Variants in SEL1L3 observed in about 807,000 individuals in gnomAD.
SEL1L3 encodes the protein protein sel-1 homolog 3.
SEL1L3 carries 76 observed loss-of-function variants against 142.8 expected under a neutral mutation model. The observed-to-expected ratio is 0.53, with a 90% confidence interval of 0.44 to 0.64. The LOEUF (loss-of-function observed/expected upper bound fraction) is 0.64. Among genes scored for constraint, SEL1L3 ranks in the 30% least tolerant of loss-of-function variants. The pLI, the probability that SEL1L3 is intolerant of heterozygous loss-of-function variation, is 0.00. For missense variants in SEL1L3, 1,262 were observed against 1,381.7 expected (o/e 0.91, Z 1.37); for synonymous variants, 504 against 519.6 (o/e 0.97, Z 0.41).
the SEL1L3 span, among the ~76,000 whole-genome samples, chr4:25,739,569 G>A: frequency 6.6e-6 from 1 of 152,116 alleles, no homozygotes; most frequent in East Asian, 1.9e-4. Flanking sequence ...GCTGGGCATG[G>A]TGGCACGCGC....
intron 17 of SEL1L3, among the ~76,000 whole-genome samples, chr4:25,772,100 G>T (rs1719263608): frequency 6.6e-6 from 1 of 152,118 alleles, no homozygotes; most frequent in African/African-American, 2.4e-5. Flanking sequence ...CAGAATAGAT[G>T]GTACCAAAAA....
At chr4:25,810,995 A>G (rs1713985424) in intron 9 of SEL1L3, among the ~76,000 whole-genome samples, 1 of 152,198 alleles carries the variant, frequency 6.6e-6, no homozygotes, top group Non-Finnish European at 1.5e-5. Context: ...AGGTTAGCGC[A>G]TCAGCTGTCA....
chr4:25,811,758 T>TG (rs1423192316), intron 9 of SEL1L3, among the ~76,000 whole-genome samples: 19 of 149,124 alleles, frequency 1.3e-4, no homozygotes, highest in African/African-American at 4.1e-4. Flanking sequence ...GTTTTTTTTT[T>TG]TTTTTTTTGT....
rs1715585990 is a variant in SEL1L3 at position 25,833,583 on chromosome 4, G to C, written c.861-14C>G. ...GAAACAGTAAACCTATAAGAGTGAG[G>C]GGGAAAAAAATTCTGCAGATTGATA... On this transcript the variant is annotated splice_polypyrimidine_tract_variant and intron_variant, in intron 3 of 23. Transcript: ENST00000399878. 1 of 1,591,934 alleles carries C rather than the reference G, an allele frequency of 6.3e-7. No individual in the cohort carries two copies. Among genetic ancestry groups the C allele is most frequent in the Non-Finnish European group, 8.5e-7 (1 of 1,171,982 alleles).
intron 2 of SEL1L3, among the ~76,000 whole-genome samples, chr4:25,847,034 A>G (rs1007665320): frequency 6.6e-6 from 1 of 151,702 alleles, no homozygotes; most frequent in Non-Finnish European, 1.5e-5. Context: ...AGCAGATCTA[A>G]CCCTCTCAAA....
intron 2 of SEL1L3, among the ~76,000 whole-genome samples, chr4:25,838,676 A>G (rs1715984287): frequency 6.6e-6 from 1 of 152,186 alleles, no homozygotes; most frequent in Non-Finnish European, 1.5e-5. Context: ...CCCTCCTTCA[A>G]GTTAGAGCCT....
intron 11 of SEL1L3, among the ~76,000 whole-genome samples, chr4:25,796,006 G>A (rs937863629): frequency 1.3e-5 from 2 of 152,068 alleles, no homozygotes; most frequent in Non-Finnish European, 2.9e-5. Flanking sequence ...GTCCCAGCCT[G>A]ACCAGTTCTG....
chr4:25,810,250 G>A (rs1034865690), intron 9 of SEL1L3, among the ~76,000 whole-genome samples: 2 of 152,186 alleles, frequency 1.3e-5, no homozygotes, highest in African/African-American at 2.4e-5. Flanking sequence ...AGATGTCCCT[G>A]GGGCCATGCT....
In SEL1L3 at chr4:25,804,629, T is replaced by G; in HGVS notation, c.1688A>C (p.Asp563Ala). ...QISSIVPFLT[D>A]SSCCGYHKAS... is the part of the protein sequence containing the mutation. ...TTTATGGTATCCACAGCAGCTGGAA[T>G]CCGTCAGAAAGGGGACGATAGAGCT... Residue 563 changes from aspartate to alanine, a missense_variant, in exon 10 of 24, where the codon GAT becomes GCT. Coordinates refer to ENST00000399878, the MANE Select transcript of SEL1L3 (RefSeq NM_015187.5). The G allele has an allele frequency of 6.2e-7, 1 of 1,613,916 alleles. No homozygotes were observed. The highest frequency in any genetic ancestry group is 8.5e-7 in the Non-Finnish European group (1 of 1,179,808).
intron 9 of SEL1L3, among the ~76,000 whole-genome samples, chr4:25,808,248 A>G (rs1021160849): frequency 6.6e-6 from 1 of 152,234 alleles, no homozygotes; most frequent in Non-Finnish European, 1.5e-5. Flanking sequence ...AACAAAATAG[A>G]AGAAGCAGCC....
At chr4:25,776,180 C>T in intron 17 of SEL1L3, 97 bp downstream of exon 17, 2 of 714,454 alleles carry the variant, frequency 2.8e-6, no homozygotes, top group Non-Finnish European at 2.4e-6. Context: ...GATTTCCCTG[C>T]AAATTGCTTT....
intron 11 of SEL1L3, among the ~76,000 whole-genome samples, chr4:25,798,478 T>C (rs1712941356): frequency 1.3e-5 from 2 of 152,154 alleles, no homozygotes; most frequent in African/African-American, 2.4e-5. Context: ...GATTCCAGTG[T>C]GCAGTGGTGA....
In SEL1L3 at chr4:25,765,615, T is replaced by A. The variant is rs142347933; in HGVS notation, c.2846-180A>T. Among the ~76,000 whole-genome samples the A allele has an allele frequency of 2.1e-3, 323 of 152,240 alleles. 3 individuals carry two copies. The highest frequency in any genetic ancestry group is 7.6e-4 in the Non-Finnish European group (52 of 68,022). On this transcript the variant is annotated intron_variant, in intron 19 of 23. Transcript: ENST00000399878. ...GCAAAAAGGCTTTTTGCCCAGAGCA[T>A]CCCTATTTCTAGACATATTTTTTTT... is the stretch of plus-strand genomic sequence containing the variant.
the SEL1L3 span, among the ~76,000 whole-genome samples, chr4:25,742,136 C>T: frequency 2.6e-5 from 4 of 151,526 alleles, no homozygotes; most frequent in Non-Finnish European, 5.9e-5. Context: ...CTATTACTAG[C>T]CTTGTAGTTC....
chr4:25,722,589 T>C, the SEL1L3 span, among the ~76,000 whole-genome samples: 10 of 149,242 alleles, frequency 6.7e-5, no homozygotes, highest in African/African-American at 2.3e-4. Flanking sequence ...ATTTCGATCA[T>C]AAGAGCCACA....
At chr4:25,834,801 T>C (rs1213861827) in intron 3 of SEL1L3, among the ~76,000 whole-genome samples, 1 of 152,200 alleles carries the variant, frequency 6.6e-6, no homozygotes, top group Non-Finnish European at 1.5e-5. Flanking sequence ...TGGGTCTTGC[T>C]GAAATCAATG....
intron 1 of SEL1L3, among the ~76,000 whole-genome samples, chr4:25,854,555 G>A (rs987367429): frequency 6.6e-6 from 1 of 152,220 alleles, no homozygotes; most frequent in Admixed American, 6.5e-5. Flanking sequence ...TGGGATTACA[G>A]CATGAGCCTA....
the SEL1L3 span, among the ~76,000 whole-genome samples, chr4:25,737,466 C>T: frequency 2.0e-5 from 3 of 152,126 alleles, no homozygotes; most frequent in Non-Finnish European, 2.9e-5. Flanking sequence ...ACAGAGCAAG[C>T]TCTCCAGCCT....
At chr4:25,817,676 C>T (rs1330386063) in intron 9 of SEL1L3, among the ~76,000 whole-genome samples, 1 of 152,188 alleles carries the variant, frequency 6.6e-6, no homozygotes, top group Non-Finnish European at 1.5e-5. Context: ...TATGCCTGGT[C>T]TCAGCCTCAC....
Sources: gnomAD v4.1 joint callset for allele counts (sites outside exome capture counted in the v4.1 genomes callset) on GRCh38, gnomAD v4.1.1 for gene constraint, MANE v1.5 for transcripts, NCBI Gene and HGNC (gene_info 2026-07-23, HGNC 2026-07-21) for gene names.